The following MAFF variants were observed in gnomAD, a reference collection of about 807,000 sequenced individuals.
The protein encoded by MAFF is transcription factor MafF.
Under a neutral mutation model 2.7 loss-of-function variants are expected in MAFF, and 4 were observed. That is an observed-to-expected ratio of 1.48 (90% CI 0.73 to 3.39). MAFF has a LOEUF of 3.39. Among genes scored for constraint, MAFF ranks in the 30% most tolerant of loss-of-function variants. MAFF has a pLI of 0.01. For missense variants in MAFF, 190 were observed against 246.6 expected (o/e 0.77, Z 1.54); for synonymous variants, 113 against 119.4 (o/e 0.95, Z 0.35).
rs2091148055 is a variant in MAFF, at chr22:38,216,139, T to A, written c.*1261T>A. 6.2e-6 allele frequency: 1 copy of A among 161,580 alleles called. No individual in the cohort carries two copies. Among genetic ancestry groups the A allele is most frequent in the Non-Finnish European group, 1.5e-5 (1 of 67,932 alleles). The allele number at this position is 161,580 out of a possible 1,614,324, so 10.0% of individuals were successfully genotyped here. The stretch of plus-strand genomic sequence containing the variant: ...ATCTGTAATCCCAGCACTTTGGGAG[T>A]CCAAGGAGGGGGATCGCTTGAGTCC... On this transcript the variant is annotated 3_prime_UTR_variant, in exon 3 of 3. Coordinates refer to ENST00000338483, the MANE Select transcript of MAFF (RefSeq NM_012323.4).
rs372297295 is a variant in MAFF, at chr22:38,205,151, C to T, written c.-32+2939C>T. ...TGCTGGTGGTCTTGGAGCTCTGGGC[C>T]AGAATCTGAAACTCTAAACTCAGAG... On this transcript the variant is annotated intron_variant, in intron 1 of 2. Transcript: ENST00000338483. 4.9e-4 allele frequency: 74 copies of T among 152,402 alleles called. 1 individual carries two copies. The South Asian group carries it at 0.015, about 31-fold the overall frequency. The allele number at this position is 152,402 out of a possible 1,614,324, so 9.4% of individuals were successfully genotyped here. A position where few individuals can be genotyped will look rare whatever the true frequency, so the allele number is the denominator to read the frequency against.
chr22:38,213,838 G>A lies in MAFF; in HGVS notation c.-16G>A. The A allele has an allele frequency of 6.2e-7, 1 of 1,613,912 alleles. No homozygotes were observed. Among genetic ancestry groups the A allele is most frequent in the South Asian group, 1.1e-5 (1 of 91,082 alleles). On this transcript the variant is annotated 5_prime_UTR_variant, in exon 2 of 3. Transcript: ENST00000338483. ...TCTACCCTAGGTCTGCAGCCCAGAG[G>A]GCACCTTCTGCAAACATGTCTGTGG... is the stretch of plus-strand genomic sequence containing the variant.
At position 38,214,426 on chromosome 22, in the gene MAFF, C is replaced by G. The variant is rs1415319893; in HGVS notation, c.43C>G (p.Arg15Gly). The G allele has an allele frequency of 1.3e-6, 2 of 1,598,092 alleles. No homozygotes were observed. The highest frequency in any genetic ancestry group is 1.3e-5 in the African/African-American group (1 of 74,528). ...AGTTTCCTCATGCCCGCAGATCAAGCGAGAGCTGAGCGAGAACACGCCGCA... is the reference window on the plus strand; with the variant it reads ...AGTTTCCTCATGCCCGCAGATCAAGGGAGAGCTGAGCGAGAACACGCCGCA... ...PLSSKALKIK[R>G]ELSENTPHLS... Residue 15 changes from arginine (R) to glycine (G), a missense_variant, in exon 3 of 3, where the codon CGA (arginine) becomes GGA (glycine). Physicochemically the swap from Arg to Gly is moderately radical, Grantham distance 125. Coordinates refer to ENST00000338483, the MANE Select transcript of MAFF (RefSeq NM_012323.4). This position sits in a 1 kb window ranked among gnomAD's most constrained non-coding sequence, Gnocchi z 6.3.
At chr22:38,203,598 G>A (rs1297766761) in intron 1 of MAFF, 1 of 152,274 alleles carries the variant, frequency 6.6e-6, no homozygotes, top group Non-Finnish European at 1.5e-5. Context: ...GGATGGGCTG[G>A]GGGCTAGAGA....
In MAFF at chr22:38,215,115, C is replaced by T. The variant is rs561449558; in HGVS notation, c.*237C>T. On this transcript the variant is annotated 3_prime_UTR_variant, in exon 3 of 3. Transcript: ENST00000338483. ...TGGGGCAGAGGTCTGGATCTGGGAT[C>T]GCCCTTGGCTGAAAGTTTAGCCTTT... 1.3e-5 allele frequency: 6 copies of T among 464,218 alleles called. No individual in the cohort carries two copies. The highest frequency in any genetic ancestry group is 3.3e-5 in the South Asian group (1 of 30,342). The allele number at this position is 464,218 out of a possible 1,614,324, so 28.8% of individuals were successfully genotyped here.
chr22:38,213,304 T>C (rs2091116453), intron 1 of MAFF, among the ~76,000 whole-genome samples: 2 of 152,024 alleles, frequency 1.3e-5, no homozygotes, highest in African/African-American at 4.8e-5. Context: ...TCTATTCATT[T>C]GGTGCACACT....
Position 38,214,764 on chromosome 22 carries a change from CG to C in MAFF, c.382del (p.Ala128ProfsTer59). ...ARSVAAARGPATLVAPASVIT... is the reference protein window; with the variant it reads ...ARSVAAARGPXTLVAPASVIT... Reference sequence around the variant, plus strand: ...GCTCCGTGGCCGCCGCCCGCGGGCCCGCCACGCTCGTGGCGCCGGCCAGCGT... The same window carrying C: ...GCTCCGTGGCCGCCGCCCGCGGGCCCCCACGCTCGTGGCGCCGGCCAGCGT... On this transcript the variant is annotated frameshift_variant, in exon 3 of 3. Transcript: ENST00000338483. LOFTEE classifies it low-confidence loss of function (END_TRUNC). This position sits in a 1 kb window ranked among gnomAD's most constrained non-coding sequence, Gnocchi z 6.3. 7.0e-7 allele frequency: 1 copy of C among 1,429,160 alleles called. No individual in the cohort carries two copies. Among genetic ancestry groups the C allele is most frequent in the Non-Finnish European group, 9.1e-7 (1 of 1,098,124 alleles). The allele number at this position is 1,429,160 out of a possible 1,614,324, so 88.5% of individuals were successfully genotyped here.
chr22:38,213,679 G>A (rs776113959), intron 1 of MAFF, 144 bp from the exon 2 acceptor site: 4 of 712,998 alleles, frequency 5.6e-6, no homozygotes, highest in Non-Finnish European at 1.0e-5. Flanking sequence ...GAGGCCTGTG[G>A]ACCAATGTGG....
In MAFF at chr22:38,214,513, C is replaced by A; in HGVS notation, c.130C>A (p.Leu44Ile). 2 of 1,610,516 alleles carry A rather than the reference C, an allele frequency of 1.2e-6. No individual in the cohort carries two copies. Among genetic ancestry groups the A allele is most frequent in the Non-Finnish European group, 1.7e-6 (2 of 1,179,680 alleles). Residue 44 changes from leucine (L) to isoleucine (I), a missense_variant, in exon 3 of 3, where the codon CTC becomes ATC. Leu to Ile is a conservative substitution (Grantham distance 5). Transcript: ENST00000338483. This position sits in a 1 kb window ranked among gnomAD's most constrained non-coding sequence, Gnocchi z 6.3. ...VRELNRHLRGLSAEEVTRLKQ... is the reference protein window; with the variant it reads ...VRELNRHLRGISAEEVTRLKQ... ...CGAGCTGAACCGGCATCTGCGCGGG[C>A]TCTCCGCCGAGGAGGTGACACGGCT... is the stretch of plus-strand genomic sequence containing the variant.
At chr22:38,213,616 A>T (rs1293127817) in intron 1 of MAFF, 1 of 662,702 alleles carries the variant, frequency 1.5e-6, no homozygotes, top group Non-Finnish European at 2.8e-6. Flanking sequence ...GGGCTAGAAC[A>T]GTAAAGAGCA....
At chr22:38,211,830 C>T (rs2091103750) in intron 1 of MAFF, among the ~76,000 whole-genome samples, 1 of 152,188 alleles carries the variant, frequency 6.6e-6, no homozygotes, top group Non-Finnish European at 1.5e-5. Context: ...GAGGCTGAGC[C>T]AACCCGTGAG....
In MAFF at chr22:38,202,144, G is replaced by C. The variant is rs1033202262; in HGVS notation, c.-100G>C. 6.6e-6 allele frequency: 1 copy of C among 152,396 alleles called. No individual in the cohort carries two copies. Among genetic ancestry groups the C allele is most frequent in the African/African-American group, 2.4e-5 (1 of 41,466 alleles). The allele number at this position is 152,396 out of a possible 1,614,324, so 9.4% of individuals were successfully genotyped here. ...GGGAGACTGACCGGAGCGCGGATCGGGACAGCGGCCGGGACAGCGGCGAGA... is the reference window on the plus strand; with the variant it reads ...GGGAGACTGACCGGAGCGCGGATCGCGACAGCGGCCGGGACAGCGGCGAGA... On this transcript the variant is annotated 5_prime_UTR_variant, in exon 1 of 3. Coordinates refer to ENST00000338483, the MANE Select transcript of MAFF (RefSeq NM_012323.4). This position sits in a 1 kb window ranked among gnomAD's most constrained non-coding sequence, Gnocchi z 7.4.
chr22:38,214,417 C>T lies in MAFF; in HGVS notation c.37-3C>T. The T allele has an allele frequency of 6.3e-7, 1 of 1,584,304 alleles. No homozygotes were observed. The highest frequency in any genetic ancestry group is 8.6e-7 in the Non-Finnish European group (1 of 1,163,134). On this transcript the variant is annotated splice_region_variant and splice_polypyrimidine_tract_variant and intron_variant, in intron 2 of 2. Transcript: ENST00000338483. The surrounding 1 kb of genome is among the most constrained non-coding windows in gnomAD (Gnocchi z 6.3). ...CTGGACCTCAGTTTCCTCATGCCCG[C>T]AGATCAAGCGAGAGCTGAGCGAGAA...
At chr22:38,204,478 A>C (rs564159149) in intron 1 of MAFF, among the ~76,000 whole-genome samples, 5 of 152,288 alleles carry the variant, frequency 3.3e-5, no homozygotes, top group Admixed American at 3.3e-4. Context: ...AGAGCCTGGA[A>C]CATAGTAGGT....
At chr22:38,211,827 A>C (rs968273517) in intron 1 of MAFF, among the ~76,000 whole-genome samples, 6 of 152,196 alleles carry the variant, frequency 3.9e-5, no homozygotes, top group African/African-American at 1.4e-4. Flanking sequence ...TCAGAGGCTG[A>C]GCCAACCCGT....
chr22:38,208,773 G>C (rs2091073060), intron 1 of MAFF, among the ~76,000 whole-genome samples: 1 of 152,176 alleles, frequency 6.6e-6, no homozygotes, highest in South Asian at 2.1e-4. Context: ...CTTCCTGGAG[G>C]AGGAGATGTC....
chr22:38,212,658 T>A (rs541134017), intron 1 of MAFF, among the ~76,000 whole-genome samples: 20 of 152,296 alleles, frequency 1.3e-4, no homozygotes, highest in Non-Finnish European at 2.1e-4. Flanking sequence ...GGCTGCCCCA[T>A]CTGCCTAGGG....
intron 1 of MAFF, chr22:38,203,428 A>T (rs2091029414): frequency 6.6e-6 from 1 of 152,330 alleles, no homozygotes; most frequent in South Asian, 2.1e-4. Context: ...ACAGACCCCG[A>T]GTGCCCTCAC....
chr22:38,213,842 C>A lies in MAFF; in HGVS notation c.-12C>A, dbSNP rs2091121284. 1 of 1,614,060 alleles carries A rather than the reference C, an allele frequency of 6.2e-7. No homozygotes were observed. Among genetic ancestry groups the A allele is most frequent in the Non-Finnish European group, 8.5e-7 (1 of 1,179,904 alleles). On this transcript the variant is annotated 5_prime_UTR_variant, in exon 2 of 3. Transcript: ENST00000338483. ...CCCTAGGTCTGCAGCCCAGAGGGCA[C>A]CTTCTGCAAACATGTCTGTGGATCC...
Sources: allele counts gnomAD v4.1 joint callset (sites outside exome capture counted in the v4.1 genomes callset), GRCh38; gene constraint gnomAD v4.1.1; non-coding constraint Gnocchi (gnomAD v3.1); transcripts MANE v1.5; gene names NCBI Gene and HGNC (gene_info 2026-07-23, HGNC 2026-07-21).